The following BSN variants were observed in gnomAD, a reference collection of about 807,000 sequenced individuals.
BSN encodes protein bassoon.
BSN carries 57 observed loss-of-function variants against 264.8 expected under a neutral mutation model. The observed-to-expected ratio is 0.22, with a 90% confidence interval of 0.17 to 0.27. The LOEUF (loss-of-function observed/expected upper bound fraction) is 0.27. BSN is among the 10% of genes least tolerant of loss of function. The probability of loss-of-function intolerance (pLI) is 1.00; values close to 1 mark genes in which losing one functional copy is unlikely to be tolerated. For synonymous variants in BSN, 2,059 were observed against 2,137.3 expected (o/e 0.96, Z 1.01); for missense variants, 4,615 against 5,232.5 (o/e 0.88, Z 3.64).
intron 2 of BSN, among the ~76,000 whole-genome samples, chr3:49,639,065 G>C (rs1001400031): frequency 6.6e-6 from 1 of 152,128 alleles, no homozygotes; most frequent in South Asian, 2.1e-4. Flanking sequence ...ACTTTGATGG[G>C]AATAAGCCCC....
rs2052596128 is a variant in BSN, at chr3:49,656,059, G to A, written c.6503G>A (p.Gly2168Glu). The A allele has an allele frequency of 6.2e-7, 1 of 1,608,222 alleles. No individual in the cohort carries two copies. The highest frequency in any genetic ancestry group is 1.7e-5 in the Admixed American group (1 of 59,850). Reference sequence around the variant, plus strand: ...AGTCCTGGGAACTTGGCCCAGTATGGGCCTGCAGCAGGCCAAGGAACAGCA... The same window carrying A: ...AGTCCTGGGAACTTGGCCCAGTATGAGCCTGCAGCAGGCCAAGGAACAGCA... ...HPSPGNLAQY[G>E]PAAGQGTAVR... Residue 2168 changes from glycine (G) to glutamate (E), a missense_variant, in exon 5 of 12, where the codon GGG (glycine) becomes GAG (glutamate). By Grantham distance (98) the Gly-to-Glu change is moderately conservative. Around this residue, in one of 3 missense-constraint regions of BSN, gnomAD observed 3,415 missense variants for 3,866.4 expected, o/e 0.88. Coordinates refer to ENST00000296452, the MANE Select transcript of BSN (RefSeq NM_003458.4).
Position 49,653,813 on chromosome 3 carries a change from T to C in BSN, c.4257T>C (p.Tyr1419=), listed in dbSNP as rs1350401593. ...SPSPSSTAHS[Y]GHSPTTANYG... ...CACCATCTTCCACAGCCCACAGCTA[T>C]GGACACAGCCCAACCACTGCAAACT... The change falls in exon 5 of 12, where the codon TAT becomes TAC. Residue 1419 remains tyrosine (Y), a synonymous_variant. Transcript: ENST00000296452. This position sits in a 1 kb window ranked among gnomAD's most constrained non-coding sequence, Gnocchi z 6.3. 1 of 1,614,028 alleles carries C rather than the reference T, an allele frequency of 6.2e-7. No homozygotes were observed. Among genetic ancestry groups the C allele is most frequent in the African/African-American group, 1.3e-5 (1 of 74,916 alleles).
At position 49,653,184 on chromosome 3, in the gene BSN, G is replaced by C; in HGVS notation, c.3628G>C (p.Gly1210Arg). The change falls in exon 5 of 12, where the codon GGA (glycine) becomes CGA (arginine). Residue 1210 changes from glycine to arginine, a missense_variant. Physicochemically the swap from Gly to Arg is moderately radical, Grantham distance 125. Coordinates refer to ENST00000296452, the MANE Select transcript of BSN (RefSeq NM_003458.4). The surrounding 1 kb of genome is among the most constrained non-coding windows in gnomAD (Gnocchi z 6.3). ...GCAAGGCCAGGCAGCAGGGGCCCGGGGACCCCATGGCGGCCCCTCTCAGCC... is the reference window on the plus strand; with the variant it reads ...GCAAGGCCAGGCAGCAGGGGCCCGGCGACCCCATGGCGGCCCCTCTCAGCC... ...RQQGQAAGAR[G>R]PHGGPSQPTG... 1 of 1,611,456 alleles carries C rather than the reference G, an allele frequency of 6.2e-7. No individual in the cohort carries two copies. The highest frequency in any genetic ancestry group is 1.1e-5 in the South Asian group (1 of 91,016).
At chr3:49,558,225 A>T (rs1389434401) in intron 1 of BSN, among the ~76,000 whole-genome samples, 1 of 152,154 alleles carries the variant, frequency 6.6e-6, no homozygotes, top group African/African-American at 2.4e-5. Context: ...GATAGAGATA[A>T]ATGGCATAAA....
At chr3:49,562,327 G>A (rs975185735) in intron 1 of BSN, among the ~76,000 whole-genome samples, 1 of 152,172 alleles carries the variant, frequency 6.6e-6, no homozygotes, top group African/African-American at 2.4e-5. Context: ...CTATCCCTGG[G>A]TGAAGTGTGA....
chr3:49,597,312 A>G (rs1051564806), intron 1 of BSN, among the ~76,000 whole-genome samples: 1 of 151,520 alleles, frequency 6.6e-6, no homozygotes, highest in East Asian at 1.9e-4. Context: ...ATTTCCATTA[A>G]TGTACTTTTC....
intron 1 of BSN, among the ~76,000 whole-genome samples, chr3:49,614,033 G>A (rs1035235766): frequency 6.7e-6 from 1 of 150,254 alleles, no homozygotes; most frequent in Non-Finnish European, 1.5e-5. Flanking sequence ...CGGCACCATG[G>A]TGCAAGAGAC....
At chr3:49,583,408 G>A (rs1454354358) in intron 1 of BSN, among the ~76,000 whole-genome samples, 1 of 152,100 alleles carries the variant, frequency 6.6e-6, no homozygotes, top group Non-Finnish European at 1.5e-5. Flanking sequence ...CTTTTCATAA[G>A]GAAAATTGAT....
In BSN at chr3:49,625,746, A is replaced by C. The variant is rs1378819133; in HGVS notation, c.633+363A>C. ...TTTGGAGTGGGCCATGAGCAGCTCT[A>C]GGACACAGAGGGAGGCAAATTTCCC... On this transcript the variant is annotated intron_variant, in intron 2 of 11. Transcript: ENST00000296452. The surrounding 1 kb of genome is among the most constrained non-coding windows in gnomAD (Gnocchi z 4.4). 2.6e-5 allele frequency among the ~76,000 whole-genome samples: 4 copies of C among 152,242 alleles called. No homozygotes were observed. The highest frequency in any genetic ancestry group is 9.6e-5 in the African/African-American group (4 of 41,468).
At position 49,670,167 on chromosome 3, in the gene BSN, G is replaced by A. The variant is rs1353075272; in HGVS notation, c.*2682G>A. The A allele has an allele frequency of 1.3e-5, 2 of 152,518 alleles. No individual in the cohort carries two copies. The highest frequency in any genetic ancestry group is 2.4e-5 in the African/African-American group (1 of 41,448). The allele number at this position is 152,518 out of a possible 1,614,324, so 9.4% of individuals were successfully genotyped here. On this transcript the variant is annotated 3_prime_UTR_variant, in exon 12 of 12. Transcript: ENST00000296452. ...ATACCTGCCTCATCCCAAAGATCAGGTATGGGCTGAATGCAGCCATCTGAG... is the reference window on the plus strand; with the variant it reads ...ATACCTGCCTCATCCCAAAGATCAGATATGGGCTGAATGCAGCCATCTGAG...
At position 49,653,747 on chromosome 3, in the gene BSN, T is replaced by C. The variant is rs371603151; in HGVS notation, c.4191T>C (p.Tyr1397=). Residue 1397 remains tyrosine, a synonymous_variant, in exon 5 of 12, where the codon TAT becomes TAC. Transcript: ENST00000296452. This position sits in a 1 kb window ranked among gnomAD's most constrained non-coding sequence, Gnocchi z 6.3. ...GTCCAGCTGGGCTGCCACGAGGATA[T>C]ATGACTCCAGCCTCCCCAGCAGGCT... ...APCPAGLPRG[Y]MTPASPAGSE... 8.7e-5 allele frequency: 141 copies of C among 1,613,830 alleles called. No homozygotes were observed. The highest frequency in any genetic ancestry group is 4.7e-5 in the Non-Finnish European group (55 of 1,179,994).
At chr3:49,605,446 AT>A (rs2052109634) in intron 1 of BSN, among the ~76,000 whole-genome samples, 2 of 27,126 alleles carry the variant, frequency 7.4e-5, no homozygotes, top group South Asian at 1.3e-3. Flanking sequence ...TATTATATAT[AT>A]TATATAATAT....
chr3:49,613,349 A>AGAGAGAGAGAGAGG, intron 1 of BSN, among the ~76,000 whole-genome samples: 1 of 139,532 alleles, frequency 7.2e-6, no homozygotes, highest in African/African-American at 2.7e-5. Flanking sequence ...AGAGAGAGAG[A>AGAGAGAGAGAGAGG]AGGGCTGGCC....
At chr3:49,615,642 T>C (rs2052254246) in intron 1 of BSN, among the ~76,000 whole-genome samples, 1 of 152,220 alleles carries the variant, frequency 6.6e-6, no homozygotes, top group Admixed American at 6.5e-5. Context: ...TCTTGGGCAA[T>C]CACAGGCTCT....
At chr3:49,567,305 T>C (rs1238307005) in intron 1 of BSN, among the ~76,000 whole-genome samples, 1 of 152,218 alleles carries the variant, frequency 6.6e-6, no homozygotes, top group Admixed American at 6.5e-5. Context: ...AATTAAGCTC[T>C]TTTTTCCCAG....
intron 8 of BSN, 93 bp from the exon 9 acceptor site, chr3:49,664,330 C>G (rs572529565): frequency 7.8e-6 from 12 of 1,535,116 alleles, no homozygotes; most frequent in Middle Eastern, 1.7e-4. Flanking sequence ...TTATAGGGTA[C>G]CTGTGTTCAG....
Position 49,606,142 on chromosome 3 carries a change from T to A in BSN, c.225-18833T>A, listed in dbSNP as rs1365228641. Among the ~76,000 whole-genome samples, 162 of 47,872 alleles carry A rather than the reference T, an allele frequency of 3.4e-3. 6 individuals are homozygous for A. Among genetic ancestry groups the A allele is most frequent in the Middle Eastern group, 0.053 (2 of 38 alleles). The allele number at this position is 47,872 out of a possible 152,430, so 31.4% of individuals were successfully genotyped here. On this transcript the variant is annotated intron_variant, in intron 1 of 11. Coordinates refer to ENST00000296452, the MANE Select transcript of BSN (RefSeq NM_003458.4). The stretch of plus-strand genomic sequence containing the variant: ...ACGTATATATTATATATACATATAT[T>A]ATATATGTATATATTATATATACAT...
intron 1 of BSN, among the ~76,000 whole-genome samples, chr3:49,595,988 T>G (rs1413936166): frequency 1.3e-5 from 2 of 152,240 alleles, no homozygotes; most frequent in East Asian, 3.8e-4. Context: ...TTCTTTTACT[T>G]ATTTTATTTG....
intron 1 of BSN, among the ~76,000 whole-genome samples, chr3:49,605,478 TATATA>T (rs2052112795): frequency 1.8e-4 from 1 of 5,688 alleles, no homozygotes; most frequent in African/African-American, 7.2e-4. Flanking sequence ...TAATATATAT[TATATA>T]ATATATATTA....
Sources: allele counts gnomAD v4.1 joint callset (sites outside exome capture counted in the v4.1 genomes callset), GRCh38; gene constraint gnomAD v4.1.1; regional missense constraint gnomAD v4.1.1; non-coding constraint Gnocchi (gnomAD v3.1); transcripts MANE v1.5; gene names NCBI Gene and HGNC (gene_info 2026-07-23, HGNC 2026-07-21).